Variants in HIPK3 observed in about 807,000 individuals in gnomAD.
The protein encoded by HIPK3 is homeodomain-interacting protein kinase 3.
A neutral mutation model predicts 124.2 loss-of-function variants in HIPK3; 47 were observed. The ratio of observed to expected loss-of-function variants is 0.38; its 90% confidence interval spans 0.30 to 0.48. The LOEUF is 0.48. Ranked by LOEUF, HIPK3 falls within the 20% of genes least tolerant of loss-of-function variation. The pLI, the probability that HIPK3 is intolerant of heterozygous loss-of-function variation, is 0.98. For synonymous variants in HIPK3, 482 were observed against 515.2 expected (o/e 0.94, Z 0.87); for missense variants, 1,286 against 1,454.3 (o/e 0.88, Z 1.88).
intron 4 of HIPK3, among the ~76,000 whole-genome samples, chr11:33,338,214 T>C (rs967234650): frequency 6.6e-6 from 1 of 152,184 alleles, no homozygotes; most frequent in Non-Finnish European, 1.5e-5. Flanking sequence ...TCCTCAATAA[T>C]TAACTTCATA....
chr11:33,305,089 C>G (rs1028447462), intron 2 of HIPK3, among the ~76,000 whole-genome samples: 24 of 152,112 alleles, frequency 1.6e-4, no homozygotes, highest in African/African-American at 5.6e-4. Flanking sequence ...CAGCCTCTGC[C>G]CGCCGAGTTC....
In HIPK3 at chr11:33,338,457, C is replaced by T. The variant is rs566985046; in HGVS notation, c.1342-300C>T. On this transcript the variant is annotated intron_variant, in intron 4 of 16. Transcript: ENST00000303296. ...CCATGTTGACCAGGATGGTCTCGAT[C>T]TCTTGACCTCGTGATCCACCCGCCT... is the stretch of plus-strand genomic sequence containing the variant. Among the ~76,000 whole-genome samples the T allele has an allele frequency of 4.6e-5, 7 of 152,302 alleles. No homozygotes were observed. In the South Asian group the frequency reaches 1.5e-3, roughly 32 times the overall value.
intron 1 of HIPK3, among the ~76,000 whole-genome samples, chr11:33,274,711 G>A (rs1048384901): frequency 1.3e-5 from 2 of 152,064 alleles, no homozygotes; most frequent in East Asian, 1.9e-4. Context: ...AGTAATCCTT[G>A]TGTAATTTTT....
chr11:33,260,711 A>G (rs1850797154), intron 1 of HIPK3, among the ~76,000 whole-genome samples: 1 of 152,232 alleles, frequency 6.6e-6, no homozygotes, highest in Non-Finnish European at 1.5e-5. Flanking sequence ...TGTCATGGTA[A>G]TATTTAGATT....
At position 33,298,164 on chromosome 11, in the gene HIPK3, A is replaced by G. The variant is rs559694386; in HGVS notation, c.1097+10653A>G. 9.2e-5 allele frequency among the ~76,000 whole-genome samples: 14 copies of G among 152,210 alleles called. No individual in the cohort carries two copies. The East Asian group carries it at 2.7e-3, about 29-fold the overall frequency. Reference sequence around the variant, plus strand: ...GGCCAATGCTCACTTACCATTCTGAAAATCCCAGAGCCCTTTAGAATTACG... The same window carrying G: ...GGCCAATGCTCACTTACCATTCTGAGAATCCCAGAGCCCTTTAGAATTACG... On this transcript the variant is annotated intron_variant, in intron 2 of 16. Transcript: ENST00000303296.
Position 33,353,751 on chromosome 11 carries a change from T to C in HIPK3, c.*183T>C. 3 of 562,648 alleles carry C rather than the reference T, an allele frequency of 5.3e-6. No individual in the cohort carries two copies. The highest frequency in any genetic ancestry group is 6.4e-6 in the Non-Finnish European group (2 of 314,942). 34.9% of individuals were successfully genotyped at this position (562,648 alleles called of 1,614,324 possible). A position where few individuals can be genotyped will look rare whatever the true frequency, so the allele number is the denominator to read the frequency against. On this transcript the variant is annotated 3_prime_UTR_variant, in exon 17 of 17. Transcript: ENST00000303296. ...TGTTTTGCACATTTGGTATAACTTG[T>C]CTTTGGTCATGTTATCTTCTTATGT...
At chr11:33,319,368 C>CA (rs1376344976) in intron 2 of HIPK3, among the ~76,000 whole-genome samples, 1 of 152,034 alleles carries the variant, frequency 6.6e-6, no homozygotes, top group African/African-American at 2.4e-5. Flanking sequence ...TGATGGCAGG[C>CA]ACCTGTAATC....
At chr11:33,290,109 A>G (rs117727813) in intron 2 of HIPK3, among the ~76,000 whole-genome samples, 1 of 152,198 alleles carries the variant, frequency 6.6e-6, no homozygotes, top group Non-Finnish European at 1.5e-5. Flanking sequence ...GTCGTGCAGT[A>G]AACACTGGAT....
chr11:33,257,750 G>C lies in HIPK3; in HGVS notation c.-142G>C. The C allele has an allele frequency of 1.0e-6, 1 of 988,532 alleles. No individual in the cohort carries two copies. The highest frequency in any genetic ancestry group is 1.2e-6 in the Non-Finnish European group (1 of 832,208). The allele number at this position is 988,532 out of a possible 1,614,324, so 61.2% of individuals were successfully genotyped here. On this transcript the variant is annotated 5_prime_UTR_variant, in exon 1 of 17. Transcript: ENST00000303296. ...CCAGGACAAGATGGCAGCGGCCGCG[G>C]AGAGGGGCTGAGCCCGGGCTGGGTG...
chr11:33,288,245 G>T (rs1485176777), intron 2 of HIPK3, among the ~76,000 whole-genome samples: 1 of 152,274 alleles, frequency 6.6e-6, no homozygotes. Context: ...CTGAGGTTAG[G>T]AGTTCAAGAC....
Position 33,287,015 on chromosome 11 carries a change from G to C in HIPK3, c.601G>C (p.Asp201His). 1 of 1,614,152 alleles carries C rather than the reference G, an allele frequency of 6.2e-7. No individual in the cohort carries two copies. Among genetic ancestry groups the C allele is most frequent in the Non-Finnish European group, 8.5e-7 (1 of 1,180,030 alleles). The change falls in exon 2 of 17, where the codon GAT (aspartate) becomes CAT (histidine). Residue 201 changes from aspartate (D) to histidine (H), a missense_variant. By Grantham distance (81) the Asp-to-His change is moderately conservative (BLOSUM62 -1). Transcript: ENST00000303296. ...CSMKNTYEVL[D>H]FLGRGTFGQV... The stretch of plus-strand genomic sequence containing the variant: ...CATGAAAAATACTTACGAAGTCCTT[G>C]ATTTTCTTGGTCGAGGCACGTTTGG...
At chr11:33,263,018 G>T (rs1465613144) in intron 1 of HIPK3, among the ~76,000 whole-genome samples, 4 of 152,000 alleles carry the variant, frequency 2.6e-5, no homozygotes, top group Non-Finnish European at 4.4e-5. Flanking sequence ...TTCTAACATG[G>T]TCTTGCTGAC....
chr11:33,260,460 T>G (rs1294244062), intron 1 of HIPK3, among the ~76,000 whole-genome samples: 1 of 152,270 alleles, frequency 6.6e-6, no homozygotes, highest in East Asian at 1.9e-4. Context: ...ATCCATTTCA[T>G]GGAATGCTTG....
intron 14 of HIPK3, 81 bp from the exon 15 acceptor site, chr11:33,351,527 C>T (rs761654933): frequency 7.6e-5 from 68 of 899,248 alleles, no homozygotes; most frequent in Non-Finnish European, 1.0e-4. Flanking sequence ...CTCATCAGTT[C>T]ACTGGAGCCT....
chr11:33,340,054 A>G (rs2133985201), intron 6 of HIPK3, among the ~76,000 whole-genome samples: 1 of 152,230 alleles, frequency 6.6e-6, no homozygotes, highest in East Asian at 1.9e-4. Context: ...AAGGCCTTAA[A>G]TATTACAAAT....
At chr11:33,344,504 A>G (rs1331884282) in intron 8 of HIPK3, among the ~76,000 whole-genome samples, 1 of 152,198 alleles carries the variant, frequency 6.6e-6, no homozygotes, top group East Asian at 1.9e-4. Context: ...AAACATTTCA[A>G]TGAGGTTAGA....
At chr11:33,349,623 G>T (rs1764454774) in intron 14 of HIPK3, among the ~76,000 whole-genome samples, 1 of 151,956 alleles carries the variant, frequency 6.6e-6, no homozygotes, top group Non-Finnish European at 1.5e-5. Flanking sequence ...TAATTTTTAA[G>T]TTTTTTTTGT....
At chr11:33,296,608 A>G (rs964202789) in intron 2 of HIPK3, among the ~76,000 whole-genome samples, 3 of 152,196 alleles carry the variant, frequency 2.0e-5, no homozygotes, top group Admixed American at 6.5e-5. Context: ...GTAATTAATG[A>G]TATTTCAAAC....
Position 33,338,862 on chromosome 11 carries a change from T to C in HIPK3, c.1428+19T>C. The C allele has an allele frequency of 6.4e-7, 1 of 1,551,436 alleles. No homozygotes were observed. Among genetic ancestry groups the C allele is most frequent in the South Asian group, 1.1e-5 (1 of 88,664 alleles). On this transcript the variant is annotated intron_variant, in intron 5 of 16. Transcript: ENST00000303296. Reference sequence around the variant, plus strand: ...AGCGCATGTGAGTACCATAGCCACATTTGTTCATCTTACATGCTTAGATGG... The same window carrying C: ...AGCGCATGTGAGTACCATAGCCACACTTGTTCATCTTACATGCTTAGATGG...
Sources: gnomAD v4.1 joint callset for allele counts (sites outside exome capture counted in the v4.1 genomes callset) on GRCh38, gnomAD v4.1.1 for gene constraint, MANE v1.5 for transcripts, NCBI Gene and HGNC (gene_info 2026-07-23, HGNC 2026-07-21) for gene names.